ADAM12: variants seen among roughly 807,000 people sequenced by gnomAD.
ADAM12 encodes ADAM metallopeptidase domain 12, also known as disintegrin and metalloproteinase domain-containing protein 12.
In ADAM12, 70 loss-of-function variants were observed where a neutral mutation model predicts 106.4. The ratio of observed to expected loss-of-function variants is 0.66; its 90% CI spans 0.54 to 0.80. The LOEUF (loss-of-function observed/expected upper bound fraction) is 0.80, where lower values mean the gene tolerates loss of function less well. ADAM12 is among the 30% of genes least tolerant of loss of function. The probability of loss-of-function intolerance (pLI) is 0.00; values close to 1 mark genes in which losing one functional copy is unlikely to be tolerated. For missense variants in ADAM12, 1,010 were observed against 1,171.9 expected (o/e 0.86, Z 2.02); for synonymous variants, 420 against 433.5 (o/e 0.97, Z 0.39).
chr10:126,382,746 T>TG (rs932514283), intron 1 of ADAM12, among the ~76,000 whole-genome samples: 2 of 151,638 alleles, frequency 1.3e-5, no homozygotes, highest in South Asian at 2.1e-4. Flanking sequence ...ATTAAACAAA[T>TG]GGGGGGGAAA....
At chr10:126,312,716 G>T (rs1156786887) in intron 2 of ADAM12, among the ~76,000 whole-genome samples, 6 of 152,142 alleles carry the variant, frequency 3.9e-5, no homozygotes, top group Admixed American at 3.9e-4. Flanking sequence ...TGTTTATGTT[G>T]TAGACTTTGC....
intron 3 of ADAM12, among the ~76,000 whole-genome samples, chr10:126,232,371 G>A (rs1426096133): frequency 6.6e-6 from 1 of 152,122 alleles, no homozygotes; most frequent in East Asian, 1.9e-4. Flanking sequence ...TTCCTGAGAG[G>A]CTCCAGAAGG....
At chr10:126,086,680 A>AAAAAATATATATATAT (rs1554966976) in intron 11 of ADAM12, among the ~76,000 whole-genome samples, 4 of 24,242 alleles carry the variant, frequency 1.7e-4, no homozygotes, top group Non-Finnish European at 1.8e-4. Flanking sequence ...AAAAAAAAAA[A>AAAAAATATATATATAT]ATATATATAT....
intron 3 of ADAM12, among the ~76,000 whole-genome samples, chr10:126,178,068 T>C (rs375594211): frequency 5.9e-5 from 9 of 152,354 alleles, no homozygotes; most frequent in Non-Finnish European, 1.0e-4. Flanking sequence ...GTTTTATTTA[T>C]GTGATTGTTG....
intron 3 of ADAM12, among the ~76,000 whole-genome samples, chr10:126,201,250 C>G (rs146309098): frequency 1.3e-5 from 2 of 152,114 alleles, no homozygotes; most frequent in Non-Finnish European, 2.9e-5. Context: ...TCTTTGCAGA[C>G]GTAACCAAGC....
chr10:126,187,524 T>C (rs1957421891), intron 3 of ADAM12, among the ~76,000 whole-genome samples: 2 of 151,726 alleles, frequency 1.3e-5, no homozygotes, highest in Non-Finnish European at 2.9e-5. Context: ...AGGTCTGGAG[T>C]CATCATGAGG....
intron 5 of ADAM12, among the ~76,000 whole-genome samples, chr10:126,127,535 A>G (rs1207190633): frequency 6.6e-6 from 1 of 152,192 alleles, no homozygotes; most frequent in East Asian, 1.9e-4. Context: ...TGGAACTCCC[A>G]GTGTAGCAGA....
chr10:126,336,259 T>C (rs11814957), intron 1 of ADAM12, among the ~76,000 whole-genome samples: 6,034 of 152,232 alleles, frequency 0.04, 418 homozygotes, highest in African/African-American at 0.14. Context: ...CTAAAATCGT[T>C]CTAAAAATGA....
chr10:126,380,108 A>G (rs11244970), intron 1 of ADAM12, among the ~76,000 whole-genome samples: 25,416 of 152,140 alleles, frequency 0.17, 2,476 homozygotes, highest in East Asian at 0.42. Context: ...CTTAAAGGAT[A>G]AAAAATATCA....
At chr10:126,363,550 G>C (rs1855808955) in intron 1 of ADAM12, among the ~76,000 whole-genome samples, 1 of 152,126 alleles carries the variant, frequency 6.6e-6, no homozygotes, top group South Asian at 2.1e-4. Flanking sequence ...TCCCCAGTTT[G>C]CTTCCCTGAC....
intron 2 of ADAM12, among the ~76,000 whole-genome samples, chr10:126,280,246 C>A (rs186762576): frequency 6.6e-6 from 1 of 152,116 alleles, no homozygotes; most frequent in East Asian, 1.9e-4. Flanking sequence ...TGAGTTAAGG[C>A]AAAACATGAC....
intron 3 of ADAM12, among the ~76,000 whole-genome samples, chr10:126,159,288 C>T (rs1305455096): frequency 3.8e-5 from 4 of 106,044 alleles, no homozygotes; most frequent in African/African-American, 7.6e-5. Context: ...CCAGCCTGGG[C>T]AACAGAGCGA....
At chr10:126,109,722 T>G in intron 7 of ADAM12, 53 bp downstream of exon 7, 1 of 1,539,142 alleles carries the variant, frequency 6.5e-7, no homozygotes, top group Non-Finnish European at 8.9e-7. Flanking sequence ...AAACATGTCC[T>G]TTTTTCTTTT....
intron 1 of ADAM12, among the ~76,000 whole-genome samples, chr10:126,341,834 T>C (rs1015386774): frequency 6.6e-6 from 1 of 152,246 alleles, no homozygotes; most frequent in Non-Finnish European, 1.5e-5. Flanking sequence ...ATTTGAAATG[T>C]ATTTTTTATA....
chr10:126,355,541 G>A (rs1033399046), intron 1 of ADAM12, among the ~76,000 whole-genome samples: 4 of 152,216 alleles, frequency 2.6e-5, no homozygotes, highest in African/African-American at 9.6e-5. Context: ...TGGAAGGGTA[G>A]GAGAAATGGT....
intron 8 of ADAM12, 29 bp downstream of exon 8, chr10:126,108,564 A>AATGATTTAACT: frequency 1.3e-6 from 2 of 1,589,030 alleles, no homozygotes; most frequent in Non-Finnish European, 1.7e-6. Context: ...ACATGATCTG[A>AATGATTTAACT]ATGATTTAAC....
chr10:126,305,459 A>G (rs1960803479), intron 2 of ADAM12, among the ~76,000 whole-genome samples: 1 of 152,104 alleles, frequency 6.6e-6, no homozygotes, highest in Non-Finnish European at 1.5e-5. Flanking sequence ...ACTTGAAGCC[A>G]GAGTTGATAA....
At chr10:126,063,499 C>T (rs1253061107) in intron 14 of ADAM12, among the ~76,000 whole-genome samples, 1 of 152,216 alleles carries the variant, frequency 6.6e-6, no homozygotes, top group Non-Finnish European at 1.5e-5. Context: ...AGCCTCACAA[C>T]AAAAGTCTGA....
chr10:126,319,335 A>G (rs1854012082), intron 2 of ADAM12, among the ~76,000 whole-genome samples: 1 of 152,196 alleles, frequency 6.6e-6, no homozygotes, highest in African/African-American at 2.4e-5. Flanking sequence ...GAAACCCAGC[A>G]AACACAACCT....
Sources: allele counts gnomAD v4.1 joint callset (sites outside exome capture counted in the v4.1 genomes callset), GRCh38; gene constraint gnomAD v4.1.1; transcripts MANE v1.5; gene names NCBI Gene and HGNC (gene_info 2026-07-23, HGNC 2026-07-21).